The following SUGCT variants were observed in gnomAD, a reference collection of about 807,000 sequenced individuals.
SUGCT encodes succinyl-CoA:glutarate CoA-transferase.
A neutral mutation model predicts 55.0 loss-of-function variants in SUGCT; 41 were observed. The ratio of observed to expected loss-of-function variants is 0.74; its 90% CI spans 0.58 to 0.97. The LOEUF (loss-of-function observed/expected upper bound fraction) is 0.97. Ranked by LOEUF, SUGCT falls within the 50% of genes least tolerant of loss-of-function variation. The pLI, the probability that SUGCT is intolerant of heterozygous loss-of-function variation, is 0.00. For synonymous variants in SUGCT, 187 were observed against 200.4 expected, an observed-to-expected ratio of 0.93 and a Z score of 0.56; for missense variants, 568 against 547.8, an observed-to-expected ratio of 1.04 and a Z score of -0.37.
At chr7:40,830,150 G>C (rs928463728) in intron 13 of SUGCT, among the ~76,000 whole-genome samples, 2 of 152,080 alleles carry the variant, frequency 1.3e-5, no homozygotes, top group Non-Finnish European at 2.9e-5. Context: ...CAGGCCCAGA[G>C]CCTCATCTCA....
chr7:40,332,238 T>C (rs1482563960), intron 9 of SUGCT, among the ~76,000 whole-genome samples: 1 of 152,080 alleles, frequency 6.6e-6, no homozygotes, highest in Non-Finnish European at 1.5e-5. Context: ...AGTAAGAATC[T>C]TTGCACTTCC....
At chr7:40,773,232 G>A (rs562286336) in intron 13 of SUGCT, among the ~76,000 whole-genome samples, 13 of 152,042 alleles carry the variant, frequency 8.6e-5, no homozygotes, top group South Asian at 8.3e-4. Flanking sequence ...GGGTTCAAGC[G>A]ATTCTCCTGC....
intron 7 of SUGCT, among the ~76,000 whole-genome samples, chr7:40,264,839 C>T (rs944893890): frequency 6.6e-6 from 1 of 152,330 alleles, no homozygotes; most frequent in African/African-American, 2.4e-5. Flanking sequence ...CATCTCGTCT[C>T]TCTGCCCTGC....
intron 13 of SUGCT, among the ~76,000 whole-genome samples, chr7:40,784,098 T>G (rs181911046): frequency 6.6e-6 from 1 of 152,178 alleles, no homozygotes; most frequent in East Asian, 1.9e-4. Context: ...TCCCTGAGTA[T>G]GATACCTTCT....
chr7:40,971,446 AATG>A, the SUGCT span, among the ~76,000 whole-genome samples: 49 of 152,146 alleles, frequency 3.2e-4, no homozygotes, highest in African/African-American at 8.2e-4. Flanking sequence ...TATCCAGGCA[AATG>A]ATGATGAGAA....
chr7:41,016,057 A>G, the SUGCT span, among the ~76,000 whole-genome samples: 1 of 152,156 alleles, frequency 6.6e-6, no homozygotes. Flanking sequence ...AAGGACTTGT[A>G]TCTTTTCATA....
chr7:40,772,097 C>T (rs1348727913), intron 13 of SUGCT, among the ~76,000 whole-genome samples: 1 of 152,158 alleles, frequency 6.6e-6, no homozygotes, highest in Non-Finnish European at 1.5e-5. Flanking sequence ...AAGGAGTAAG[C>T]CAGCTTGCAG....
intron 12 of SUGCT, among the ~76,000 whole-genome samples, chr7:40,527,254 G>A (rs1793848777): frequency 6.6e-6 from 1 of 152,210 alleles, no homozygotes; most frequent in South Asian, 2.1e-4. Flanking sequence ...AAGCAACTGT[G>A]TGAAGAAAAT....
intron 12 of SUGCT, among the ~76,000 whole-genome samples, chr7:40,682,794 C>T (rs1784312379): frequency 6.9e-6 from 1 of 144,538 alleles, no homozygotes; most frequent in African/African-American, 2.5e-5. Context: ...GTTTGATTTA[C>T]ATAGCTTGAA....
the SUGCT span, chr7:40,966,687 GC>G: frequency 1.3e-5 from 2 of 152,286 alleles, no homozygotes; most frequent in Non-Finnish European, 2.9e-5. Context: ...ATAATATCAA[GC>G]CGTCTGTTGT....
At chr7:40,501,258 G>T (rs1488082756) in intron 12 of SUGCT, among the ~76,000 whole-genome samples, 1 of 152,074 alleles carries the variant, frequency 6.6e-6, no homozygotes, top group African/African-American at 2.4e-5. Flanking sequence ...TCATCCCTGG[G>T]TGTAATATTT....
intron 1 of SUGCT, among the ~76,000 whole-genome samples, chr7:40,179,419 G>C (rs987362736): frequency 6.6e-6 from 1 of 151,764 alleles, no homozygotes. Flanking sequence ...TCAGCCTCCC[G>C]AGTAGCTGGG....
At chr7:40,821,445 T>C (rs755961478) in intron 13 of SUGCT, among the ~76,000 whole-genome samples, 28 of 152,346 alleles carry the variant, frequency 1.8e-4, no homozygotes, top group Admixed American at 4.6e-4. Flanking sequence ...TTTTAGAGCC[T>C]GTTATTTGTC....
chr7:40,812,508 G>A (rs1047769605), intron 13 of SUGCT, among the ~76,000 whole-genome samples: 5 of 152,074 alleles, frequency 3.3e-5, no homozygotes, highest in East Asian at 3.9e-4. Context: ...TAGTTTGCAC[G>A]CATAGAGGTG....
At chr7:40,874,785 G>A in the SUGCT span, among the ~76,000 whole-genome samples, 7 of 152,144 alleles carry the variant, frequency 4.6e-5, no homozygotes, top group Admixed American at 1.3e-4. Flanking sequence ...CTCTAGAAAC[G>A]TACCTCCTCA....
chr7:40,423,227 T>G (rs917509175), intron 9 of SUGCT, among the ~76,000 whole-genome samples: 10 of 152,254 alleles, frequency 6.6e-5, no homozygotes, highest in African/African-American at 2.4e-4. Context: ...TTAATTTCAT[T>G]ATTACTTTTA....
chr7:40,148,246 A>G (rs933753687), intron 1 of SUGCT, among the ~76,000 whole-genome samples: 14 of 151,988 alleles, frequency 9.2e-5, no homozygotes, highest in African/African-American at 3.4e-4. Context: ...AAGGCAAAGA[A>G]TTGAACATAC....
At chr7:40,344,567 G>T (rs1330190860) in intron 9 of SUGCT, among the ~76,000 whole-genome samples, 1 of 152,140 alleles carries the variant, frequency 6.6e-6, no homozygotes, top group African/African-American at 2.4e-5. Context: ...ATTATATATT[G>T]TCTAGCTGCT....
At chr7:40,816,300 G>A (rs911042339) in intron 13 of SUGCT, among the ~76,000 whole-genome samples, 1 of 152,186 alleles carries the variant, frequency 6.6e-6, no homozygotes, top group Non-Finnish European at 1.5e-5. Context: ...CATTAAAAAT[G>A]GCACCCTGCT....
Sources: allele counts gnomAD v4.1 joint callset (sites outside exome capture counted in the v4.1 genomes callset), GRCh38; gene constraint gnomAD v4.1.1; transcripts MANE v1.5; gene names NCBI Gene and HGNC (gene_info 2026-07-23, HGNC 2026-07-21).